The following BABAM2 variants were observed in gnomAD, a reference collection of about 807,000 sequenced individuals.
BABAM2 encodes BRISC and BRCA1-A complex member 2.
Under a neutral mutation model 54.7 loss-of-function variants are expected in BABAM2, and 31 were observed. That is an observed-to-expected ratio of 0.57 (90% confidence interval 0.43 to 0.77). The LOEUF is 0.77. Among genes scored for constraint, BABAM2 ranks in the 30% least tolerant of loss-of-function variants. The pLI, the probability that BABAM2 is intolerant of heterozygous loss-of-function variation, is 0.00. For missense variants in BABAM2, 364 were observed against 455.8 expected, an observed-to-expected ratio of 0.80 and a Z score of 1.83; for synonymous variants, 167 against 162.9, an observed-to-expected ratio of 1.03 and a Z score of -0.19.
chr2:28,192,898 T>C (rs905090049), intron 7 of BABAM2, among the ~76,000 whole-genome samples: 1 of 151,526 alleles, frequency 6.6e-6, no homozygotes, highest in African/African-American at 2.4e-5. Flanking sequence ...GTTGGCTGGG[T>C]GCGGTGGCTG....
At chr2:28,097,162 G>C (rs1183391810) in intron 6 of BABAM2, among the ~76,000 whole-genome samples, 2 of 152,170 alleles carry the variant, frequency 1.3e-5, no homozygotes, top group African/African-American at 4.8e-5. Context: ...GGGAACCATA[G>C]CTGTAGGGAA....
chr2:28,286,386 G>A (rs1686816808), intron 10 of BABAM2, among the ~76,000 whole-genome samples: 1 of 152,134 alleles, frequency 6.6e-6, no homozygotes, highest in South Asian at 2.1e-4. Flanking sequence ...AAATGTTCAA[G>A]GGTAATGCTC....
intron 11 of BABAM2, among the ~76,000 whole-genome samples, chr2:28,303,395 G>C (rs1019171627): frequency 2.0e-5 from 3 of 152,152 alleles, no homozygotes; most frequent in African/African-American, 7.2e-5. Flanking sequence ...TTAATTTTTT[G>C]TTCATATGTA....
Position 27,914,785 on chromosome 2 carries a change from C to T in BABAM2, c.129-15047C>T, listed in dbSNP as rs368854631. On this transcript the variant is annotated intron_variant, in intron 2 of 11. Coordinates refer to ENST00000379624, the MANE Select transcript of BABAM2 (RefSeq NM_199191.3). Reference sequence around the variant, plus strand: ...TTTGTTTTCAATTTATATATGAACACGTACACAGATATATGTACACATATG... The same window carrying T: ...TTTGTTTTCAATTTATATATGAACATGTACACAGATATATGTACACATATG... Among the ~76,000 whole-genome samples the T allele has an allele frequency of 8.5e-5, 13 of 152,226 alleles. No homozygotes were observed. In the East Asian group the frequency reaches 1.3e-3, roughly 16 times the overall value.
intron 8 of BABAM2, 86 bp downstream of exon 8, chr2:28,237,387 C>T: frequency 1.7e-6 from 2 of 1,185,144 alleles, no homozygotes; most frequent in Non-Finnish European, 2.5e-6. Flanking sequence ...CATGCTCCAT[C>T]CTTCTCGGAC....
chr2:28,299,311 G>A (rs1415149118), intron 11 of BABAM2, among the ~76,000 whole-genome samples: 2 of 152,136 alleles, frequency 1.3e-5, no homozygotes, highest in Non-Finnish European at 2.9e-5. Context: ...TACAGAATAG[G>A]TAAATATAGA....
At chr2:28,236,274 C>T (rs143176359) in intron 7 of BABAM2, among the ~76,000 whole-genome samples, 1,684 of 151,752 alleles carry the variant, frequency 0.011, 26 homozygotes, top group African/African-American at 0.038. Flanking sequence ...ATGAAATGTA[C>T]GCCTTAAAGT....
intron 6 of BABAM2, among the ~76,000 whole-genome samples, chr2:28,077,326 C>A (rs1558314394): frequency 6.6e-6 from 1 of 152,058 alleles, no homozygotes; most frequent in Admixed American, 6.6e-5. Flanking sequence ...TTCCTATATG[C>A]TTTATGAACT....
At chr2:27,952,096 C>T (rs1302853404) in intron 3 of BABAM2, among the ~76,000 whole-genome samples, 2 of 152,164 alleles carry the variant, frequency 1.3e-5, no homozygotes, top group Non-Finnish European at 2.9e-5. Context: ...AATGTTATGT[C>T]CTCTTGAATT....
In BABAM2 at chr2:28,333,357, G is replaced by A. The variant is rs536722526; in HGVS notation, c.1089-5093G>A. Among the ~76,000 whole-genome samples, 509 of 152,196 alleles carry A rather than the reference G, an allele frequency of 3.3e-3. 3 individuals carry two copies. The highest frequency in any genetic ancestry group is 5.0e-3 in the Admixed American group (77 of 15,284). ...CTACCCTCACCTTCTACAGCCCACC[G>A]GCCTTAGGACCCTCAGTTATGGCAC... On this transcript the variant is annotated intron_variant, in intron 11 of 11. Coordinates refer to ENST00000379624, the MANE Select transcript of BABAM2 (RefSeq NM_199191.3).
intron 10 of BABAM2, among the ~76,000 whole-genome samples, chr2:28,291,236 A>G (rs892367478): frequency 3.9e-5 from 6 of 152,216 alleles, no homozygotes; most frequent in Non-Finnish European, 8.8e-5. Flanking sequence ...TTTCCATAAT[A>G]GGATTTTTTA....
chr2:27,931,934 C>T (rs531630839), intron 3 of BABAM2, among the ~76,000 whole-genome samples: 46 of 152,082 alleles, frequency 3.0e-4, no homozygotes, highest in Non-Finnish European at 3.4e-4. Context: ...ACTTACTGTC[C>T]GTTCTAAATC....
chr2:28,306,187 G>T (rs1399580226), intron 11 of BABAM2, among the ~76,000 whole-genome samples: 2 of 152,196 alleles, frequency 1.3e-5, no homozygotes, highest in African/African-American at 4.8e-5. Context: ...TGAAAAGAAT[G>T]TGTGTCCTGC....
intron 7 of BABAM2, among the ~76,000 whole-genome samples, chr2:28,175,715 G>A (rs1674853088): frequency 6.6e-6 from 1 of 152,150 alleles, no homozygotes; most frequent in African/African-American, 2.4e-5. Flanking sequence ...GTGAGATTTT[G>A]TCCACACTCC....
At chr2:28,000,218 A>G (rs1573363800) in intron 4 of BABAM2, among the ~76,000 whole-genome samples, 2 of 152,226 alleles carry the variant, frequency 1.3e-5, no homozygotes, top group East Asian at 1.9e-4. Flanking sequence ...CTAGGATACC[A>G]TCTAGGATTC....
At chr2:27,934,343 G>A (rs1409109777) in intron 3 of BABAM2, among the ~76,000 whole-genome samples, 1 of 152,084 alleles carries the variant, frequency 6.6e-6, no homozygotes, top group East Asian at 1.9e-4. Context: ...GTGTTGAGAT[G>A]CCATAACATA....
At chr2:28,278,978 G>A (rs756279361) in intron 10 of BABAM2, among the ~76,000 whole-genome samples, 1 of 152,254 alleles carries the variant, frequency 6.6e-6, no homozygotes, top group Admixed American at 6.5e-5. Context: ...TTCATTCACA[G>A]TGAAGGTGAG....
chr2:28,184,294 CCCTCT>C (rs1320764346), intron 7 of BABAM2, among the ~76,000 whole-genome samples: 3 of 141,982 alleles, frequency 2.1e-5, no homozygotes, highest in African/African-American at 7.8e-5. Flanking sequence ...CTCCCCCCCT[CCCTCT>C]CTCCCTCTCT....
At chr2:28,203,980 A>G (rs1678560887) in intron 7 of BABAM2, among the ~76,000 whole-genome samples, 1 of 152,184 alleles carries the variant, frequency 6.6e-6, no homozygotes, top group African/African-American at 2.4e-5. Context: ...ACCCAAATTT[A>G]TCATTTTTGC....
Sources: gnomAD v4.1 joint callset for allele counts (sites outside exome capture counted in the v4.1 genomes callset) on GRCh38, gnomAD v4.1.1 for gene constraint, MANE v1.5 for transcripts, NCBI Gene and HGNC (gene_info 2026-07-23, HGNC 2026-07-21) for gene names.